The following ZCCHC24 variants were observed in gnomAD, a reference collection of about 807,000 sequenced individuals.
The protein encoded by ZCCHC24 is zinc finger CCHC domain-containing protein 24.
ZCCHC24 carries 10 observed loss-of-function variants against 26.2 expected under a neutral mutation model. The observed-to-expected ratio is 0.38, with a 90% CI of 0.24 to 0.65. The LOEUF (loss-of-function observed/expected upper bound fraction) is 0.65. Ranked by LOEUF, ZCCHC24 falls within the 30% of genes least tolerant of loss-of-function variation. The pLI is 0.54. For synonymous variants in ZCCHC24, 144 were observed against 147.1 expected, an observed-to-expected ratio of 0.98 and a Z score of 0.15; for missense variants, 243 against 329.1, an observed-to-expected ratio of 0.74 and a Z score of 2.03.
Position 79,423,581 on chromosome 10 carries a change from C to CTATATATATATTTTTTATA in ZCCHC24, c.447+8976_447+8977insTATAAAAAATATATATATA. 1.3e-4 allele frequency among the ~76,000 whole-genome samples: 7 copies of CTATATATATATTTTTTATA among 53,746 alleles called. 1 individual carries two copies. In the South Asian group the frequency reaches 2.6e-3, roughly 20 times the overall value. The allele number at this position is 53,746 out of a possible 152,430, so 35.3% of individuals were successfully genotyped here. Reference sequence around the variant, plus strand: ...AACAAAAACAAACAAAATATATATACTATATATATATATATATATATATAT... The same window carrying CTATATATATATTTTTTATA: ...AACAAAAACAAACAAAATATATATACTATATATATATTTTTTATATATATATATATATATATATATATAT... On this transcript the variant is annotated intron_variant, in intron 2 of 3. Transcript: ENST00000372336.
intron 1 of ZCCHC24, among the ~76,000 whole-genome samples, chr10:79,435,213 T>A (rs555364803): frequency 5.9e-5 from 9 of 152,204 alleles, no homozygotes; most frequent in Admixed American, 3.3e-4. Flanking sequence ...TCTTTCTTTT[T>A]TTTTTATTTT....
At chr10:79,441,736 C>T (rs1469105992) in intron 1 of ZCCHC24, among the ~76,000 whole-genome samples, 1 of 152,170 alleles carries the variant, frequency 6.6e-6, no homozygotes, top group Non-Finnish European at 1.5e-5. Context: ...AGTCCCTCCC[C>T]CAACATTCAC....
intron 3 of ZCCHC24, among the ~76,000 whole-genome samples, chr10:79,387,580 G>A (rs1856415991): frequency 6.6e-6 from 1 of 152,216 alleles, no homozygotes; most frequent in South Asian, 2.1e-4. Flanking sequence ...ATGGACATGG[G>A]GGGCTCACAG....
At chr10:79,432,442 C>A in intron 2 of ZCCHC24, 116 bp downstream of exon 2, 9 of 1,071,746 alleles carry the variant, frequency 8.4e-6, no homozygotes, top group Non-Finnish European at 1.2e-5. Flanking sequence ...GACCACGGGG[C>A]CACTCATTGG....
At chr10:79,421,419 T>A (rs1287659901) in intron 2 of ZCCHC24, among the ~76,000 whole-genome samples, 1 of 151,022 alleles carries the variant, frequency 6.6e-6, no homozygotes, top group Admixed American at 6.6e-5. Context: ...CTGTCCTCCC[T>A]CTTCTCCCTC....
At chr10:79,408,961 C>T (rs185135234) in intron 2 of ZCCHC24, 68 of 152,338 alleles carry the variant, frequency 4.5e-4, no homozygotes, top group Middle Eastern at 3.4e-3. Context: ...TGTGTCCACT[C>T]GTAACTTGCC....
Position 79,385,423 on chromosome 10 carries a change from C to G in ZCCHC24, c.*922G>C, listed in dbSNP as rs1856375250. The G allele has an allele frequency of 6.6e-6, 1 of 152,252 alleles. No homozygotes were observed. The highest frequency in any genetic ancestry group is 1.5e-5 in the Non-Finnish European group (1 of 68,048). The allele number at this position is 152,252 out of a possible 1,614,324, so 9.4% of individuals were successfully genotyped here. A position where few individuals can be genotyped will look rare whatever the true frequency, so the allele number is the denominator to read the frequency against. On this transcript the variant is annotated 3_prime_UTR_variant, in exon 4 of 4. Transcript: ENST00000372336. The surrounding 1 kb of genome is among the most constrained non-coding windows in gnomAD (Gnocchi z 4.3). Reference sequence around the variant, plus strand: ...AAACTGAGGCCTGGAGATGCGAAGTCCTTGCCCAAGGTGACACAATGCGTC... The same window carrying G: ...AAACTGAGGCCTGGAGATGCGAAGTGCTTGCCCAAGGTGACACAATGCGTC...
chr10:79,386,321 C>G lies in ZCCHC24; in HGVS notation c.*24G>C. On this transcript the variant is annotated 3_prime_UTR_variant, in exon 4 of 4. Coordinates refer to ENST00000372336, the MANE Select transcript of ZCCHC24 (RefSeq NM_153367.4). The stretch of plus-strand genomic sequence containing the variant: ...GTCTCCTCGGGCTGGCGGGGGGTGG[C>G]TCTGGGTGCGGGCGGGCAGCCCGTC... The G allele has an allele frequency of 6.2e-7, 1 of 1,606,786 alleles. No individual in the cohort carries two copies. Among genetic ancestry groups the G allele is most frequent in the Non-Finnish European group, 8.5e-7 (1 of 1,176,398 alleles).
At chr10:79,414,657 C>A (rs1856836735) in intron 2 of ZCCHC24, among the ~76,000 whole-genome samples, 1 of 152,156 alleles carries the variant, frequency 6.6e-6, no homozygotes. Flanking sequence ...CTGCAGCCAC[C>A]ACAGCTGCCA....
Position 79,386,568 on chromosome 10 carries a change from AGGGAG to A in ZCCHC24, c.613-115_613-111del, listed in dbSNP as rs1856400856. The A allele has an allele frequency of 1.3e-4, 100 of 796,968 alleles. 5 individuals carry two copies. In the South Asian group the frequency reaches 1.8e-3, roughly 14 times the overall value. The allele number at this position is 796,968 out of a possible 1,614,324, so 49.4% of individuals were successfully genotyped here. ...AGACAGACAGGTGAGACAGGTACAC[AGGGAG>A]GGGACCAGACAGAGAGGCACACCTC... On this transcript the variant is annotated intron_variant, in intron 3 of 3. Transcript: ENST00000372336.
intron 2 of ZCCHC24, among the ~76,000 whole-genome samples, chr10:79,419,335 A>G (rs1041334361): frequency 6.6e-6 from 1 of 152,224 alleles, no homozygotes; most frequent in Admixed American, 6.5e-5. Context: ...ACACTCTGCA[A>G]GGATGGTGAA....
At chr10:79,407,323 C>T (rs1367851513) in intron 2 of ZCCHC24, among the ~76,000 whole-genome samples, 1 of 152,210 alleles carries the variant, frequency 6.6e-6, no homozygotes, top group Non-Finnish European at 1.5e-5. Flanking sequence ...GGGCTGGGAG[C>T]GCCAGTCCAC....
chr10:79,429,785 T>A (rs564105023), intron 2 of ZCCHC24, among the ~76,000 whole-genome samples: 5 of 152,178 alleles, frequency 3.3e-5, no homozygotes, highest in Non-Finnish European at 7.3e-5. Context: ...CTTTTAAATA[T>A]TATAGAAATT....
chr10:79,402,491 G>A (rs1856647349), intron 2 of ZCCHC24, among the ~76,000 whole-genome samples: 2 of 152,170 alleles, frequency 1.3e-5, no homozygotes, highest in Non-Finnish European at 2.9e-5. Flanking sequence ...TAGCCAGGAT[G>A]GTTTCGATCT....
chr10:79,408,495 A>G (rs1005840481), intron 2 of ZCCHC24, among the ~76,000 whole-genome samples: 4 of 152,176 alleles, frequency 2.6e-5, no homozygotes, highest in Non-Finnish European at 5.9e-5. Flanking sequence ...TCCTTTCCAC[A>G]TGTGCCCTCG....
intron 1 of ZCCHC24, among the ~76,000 whole-genome samples, chr10:79,435,126 A>ACTCACC (rs1478921946): frequency 6.6e-6 from 1 of 151,972 alleles, no homozygotes; most frequent in Non-Finnish European, 1.5e-5. Context: ...AAATGGTGTG[A>ACTCACC]CTCACCCTCA....
chr10:79,394,216 G>C, intron 3 of ZCCHC24, 60 bp downstream of exon 3: 1 of 1,573,908 alleles, frequency 6.4e-7, no homozygotes, highest in African/African-American at 1.3e-5. Flanking sequence ...CTGAGGTCCG[G>C]TAAGGGAAAA....
In ZCCHC24 at chr10:79,433,577, G is replaced by A. The variant is rs115810214; in HGVS notation, c.247-819C>T. Among the ~76,000 whole-genome samples the A allele has an allele frequency of 2.0e-3, 299 of 152,362 alleles. 1 individual carries two copies. Among genetic ancestry groups the A allele is most frequent in the African/African-American group, 6.9e-3 (288 of 41,586 alleles). On this transcript the variant is annotated intron_variant, in intron 1 of 3. Coordinates refer to ENST00000372336, the MANE Select transcript of ZCCHC24 (RefSeq NM_153367.4). ...AGGTGGGGCTGGCAGGGAGCAGCCA[G>A]GGGTCCCCCTTTCCTGGAGCAAGGC...
At chr10:79,444,149 C>A in intron 1 of ZCCHC24, 1 of 1,545,440 alleles carries the variant, frequency 6.5e-7, no homozygotes, top group South Asian at 1.2e-5. Context: ...TGTGTCCTCC[C>A]CCGAACACAC....
Sources: allele counts gnomAD v4.1 joint callset (sites outside exome capture counted in the v4.1 genomes callset), GRCh38; gene constraint gnomAD v4.1.1; non-coding constraint Gnocchi (gnomAD v3.1); transcripts MANE v1.5; gene names NCBI Gene and HGNC (gene_info 2026-07-23, HGNC 2026-07-21).